Variants in LRRC49 observed in about 807,000 individuals in gnomAD.
The protein encoded by LRRC49 is leucine rich repeat containing 49.
LRRC49 carries 50 observed loss-of-function variants against 83.3 expected under a neutral mutation model. The observed-to-expected ratio is 0.60, with a 90% CI of 0.48 to 0.76. The LOEUF is 0.76. LRRC49 is among the 30% of genes least tolerant of loss of function. LRRC49 has a pLI of 0.00. For missense variants in LRRC49, 704 were observed against 809.1 expected (o/e 0.87, Z 1.58); for synonymous variants, 286 against 283.3 (o/e 1.01, Z -0.10).
chr15:70,904,999 T>G (rs551450746), intron 5 of LRRC49, among the ~76,000 whole-genome samples: 1 of 152,334 alleles, frequency 6.6e-6, no homozygotes, highest in African/African-American at 2.4e-5. Flanking sequence ...TGTTGTATCT[T>G]ATAGGGAAGT....
chr15:71,016,716 A>T (rs1272835129), intron 14 of LRRC49, among the ~76,000 whole-genome samples: 5 of 152,132 alleles, frequency 3.3e-5, no homozygotes, highest in Non-Finnish European at 5.9e-5. Context: ...AGCTGTTGAA[A>T]ATAGTATTAG....
intron 11 of LRRC49, among the ~76,000 whole-genome samples, chr15:70,992,521 C>T (rs185059790): frequency 6.6e-6 from 1 of 152,304 alleles, no homozygotes; most frequent in Non-Finnish European, 1.5e-5. Flanking sequence ...AGTTTTCCTT[C>T]TAACAGTCAG....
At chr15:70,930,629 C>T (rs1351315040) in intron 7 of LRRC49, among the ~76,000 whole-genome samples, 1 of 152,214 alleles carries the variant, frequency 6.6e-6, no homozygotes, top group African/African-American at 2.4e-5. Context: ...ATGGTATCTT[C>T]TTCCAATAGA....
chr15:71,027,819 G>C (rs181433296), intron 14 of LRRC49, among the ~76,000 whole-genome samples: 16 of 152,288 alleles, frequency 1.1e-4, no homozygotes, highest in African/African-American at 3.6e-4. Context: ...CTGAAAAGTT[G>C]CTTATCAGCT....
At chr15:70,875,840 G>C (rs1464518731) in intron 2 of LRRC49, among the ~76,000 whole-genome samples, 1 of 152,216 alleles carries the variant, frequency 6.6e-6, no homozygotes, top group Non-Finnish European at 1.5e-5. Flanking sequence ...CATCCAGGCT[G>C]TTGCCATGTC....
chr15:71,035,588 T>C (rs968968604), intron 14 of LRRC49, among the ~76,000 whole-genome samples: 4 of 152,156 alleles, frequency 2.6e-5, no homozygotes, highest in African/African-American at 7.2e-5. Flanking sequence ...TGAGTGATAA[T>C]GTGCGGTGTT....
chr15:71,041,187 C>T (rs1385872937), intron 15 of LRRC49, among the ~76,000 whole-genome samples: 5 of 152,134 alleles, frequency 3.3e-5, no homozygotes, highest in Non-Finnish European at 7.3e-5. Context: ...TTGTTTTAAG[C>T]TGCCAAGTTT....
intron 1 of LRRC49, among the ~76,000 whole-genome samples, chr15:70,860,433 G>A (rs903891325): frequency 6.6e-6 from 1 of 152,206 alleles, no homozygotes; most frequent in Non-Finnish European, 1.5e-5. Flanking sequence ...ACAAAAAGGA[G>A]AGATGAGGTC....
At chr15:70,987,220 T>C (rs1344423319) in intron 11 of LRRC49, among the ~76,000 whole-genome samples, 7 of 152,112 alleles carry the variant, frequency 4.6e-5, no homozygotes, top group East Asian at 1.9e-4. Flanking sequence ...GTACCATTTC[T>C]TCCTTGTACC....
At chr15:70,883,441 G>A (rs1167070938) in intron 2 of LRRC49, among the ~76,000 whole-genome samples, 3 of 152,156 alleles carry the variant, frequency 2.0e-5, no homozygotes, top group Non-Finnish European at 4.4e-5. Context: ...TGATCTGCCC[G>A]CCTCAGCCTC....
At chr15:71,005,161 C>T (rs1457354427) in intron 11 of LRRC49, among the ~76,000 whole-genome samples, 1 of 152,046 alleles carries the variant, frequency 6.6e-6, no homozygotes, top group African/African-American at 2.4e-5. Context: ...GTAGTCATTC[C>T]TGCGCCCTTC....
In LRRC49 at chr15:70,969,445, G is replaced by A. The variant is rs1185960428; in HGVS notation, c.921+5513G>A. Reference sequence around the variant, plus strand: ...GCCTCCAGCTTTGTTCATTTTCTTAGGATTGTCTTGGCTATATGGGCTCTT... The same window carrying A: ...GCCTCCAGCTTTGTTCATTTTCTTAAGATTGTCTTGGCTATATGGGCTCTT... On this transcript the variant is annotated intron_variant, in intron 9 of 15. Coordinates refer to ENST00000260382, the MANE Select transcript of LRRC49 (RefSeq NM_017691.5). 3.3e-5 allele frequency among the ~76,000 whole-genome samples: 5 copies of A among 152,088 alleles called. No individual in the cohort carries two copies. In the East Asian group the frequency reaches 9.6e-4, roughly 29 times the overall value.
chr15:70,970,073 G>A (rs927609816), intron 9 of LRRC49, among the ~76,000 whole-genome samples: 7 of 152,164 alleles, frequency 4.6e-5, no homozygotes, highest in Admixed American at 1.3e-4. Context: ...AAGGGAATGC[G>A]TCCAGCTTTT....
At chr15:70,927,055 A>T (rs549693844) in intron 7 of LRRC49, among the ~76,000 whole-genome samples, 25 of 152,328 alleles carry the variant, frequency 1.6e-4, no homozygotes, top group African/African-American at 4.8e-4. Context: ...ACCAGTTAGA[A>T]TGGCGATCAT....
chr15:70,981,653 A>G (rs950336685), intron 10 of LRRC49, among the ~76,000 whole-genome samples: 3 of 152,062 alleles, frequency 2.0e-5, no homozygotes, highest in Non-Finnish European at 4.4e-5. Context: ...TATGGCATAT[A>G]CTGGTATGGT....
intron 1 of LRRC49, among the ~76,000 whole-genome samples, chr15:70,861,805 G>C (rs1280764398): frequency 1.3e-5 from 2 of 152,140 alleles, no homozygotes; most frequent in Non-Finnish European, 2.9e-5. Flanking sequence ...TGCGCCTGTA[G>C]TCCTAGCTAC....
intron 9 of LRRC49, among the ~76,000 whole-genome samples, chr15:70,976,697 C>G (rs968627887): frequency 2.6e-5 from 4 of 152,074 alleles, no homozygotes; most frequent in African/African-American, 9.7e-5. Flanking sequence ...GATTCCCCCC[C>G]CAACTTATTT....
rs1186926807 is a variant in LRRC49, at chr15:70,854,028, C to A, written c.-299+559C>A. On this transcript the variant is annotated intron_variant, in intron 1 of 16. Transcript: ENST00000544974. The stretch of plus-strand genomic sequence containing the variant: ...TCCACGTCCTCGGCCTCCTGGATGG[C>A]GACGCGGATCTGCACCGCCGTCTTG... The A allele has an allele frequency of 5.5e-6, 8 of 1,452,708 alleles. No individual in the cohort carries two copies. The Admixed American group carries it at 1.7e-4, about 31-fold the overall frequency. The allele number at this position is 1,452,708 out of a possible 1,614,324, so 90.0% of individuals were successfully genotyped here. A position where few individuals can be genotyped will look rare whatever the true frequency, so the allele number is the denominator to read the frequency against.
chr15:70,911,051 A>AT (rs1347400052), intron 5 of LRRC49, among the ~76,000 whole-genome samples: 3 of 152,198 alleles, frequency 2.0e-5, no homozygotes, highest in Non-Finnish European at 4.4e-5. Context: ...AGGGAAGAAC[A>AT]TTAGGGGAGT....
Sources: gnomAD v4.1 joint callset for allele counts (sites outside exome capture counted in the v4.1 genomes callset) on GRCh38, gnomAD v4.1.1 for gene constraint, MANE v1.5 for transcripts, NCBI Gene and HGNC (gene_info 2026-07-23, HGNC 2026-07-21) for gene names.